SLC8A3: variants seen among roughly 807,000 people sequenced by gnomAD.
The protein encoded by SLC8A3 is sodium/calcium exchanger 3.
Under a neutral mutation model 65.4 loss-of-function variants are expected in SLC8A3, and 37 were observed. The ratio of observed to expected loss-of-function variants is 0.57; its 90% CI spans 0.44 to 0.74. The LOEUF (loss-of-function observed/expected upper bound fraction) is 0.74. SLC8A3 is among the 30% of genes least tolerant of loss of function. The pLI is 0.00. For synonymous variants in SLC8A3, 461 were observed against 444.5 expected, an observed-to-expected ratio of 1.04 and a Z score of -0.47; for missense variants, 1,112 against 1,172.1, an observed-to-expected ratio of 0.95 and a Z score of 0.75.
chr14:70,145,756 TC>T (rs1895886048), intron 2 of SLC8A3, among the ~76,000 whole-genome samples: 1 of 152,092 alleles, frequency 6.6e-6, no homozygotes, highest in African/African-American at 2.4e-5. Context: ...CAACACCCTG[TC>T]CCCCAGCCCT....
chr14:70,069,467 TCA>T (rs1200774865), intron 2 of SLC8A3, among the ~76,000 whole-genome samples: 68 of 152,202 alleles, frequency 4.5e-4, no homozygotes, highest in Non-Finnish European at 1.5e-5. Flanking sequence ...CAGCTAACAC[TCA>T]CAGAGCTTCC....
intron 2 of SLC8A3, among the ~76,000 whole-genome samples, chr14:70,154,735 A>G (rs1000569576): frequency 8.5e-5 from 13 of 152,142 alleles, no homozygotes; most frequent in African/African-American, 3.1e-4. Context: ...AATTTAAAAC[A>G]TTATTCTTAA....
At position 70,166,957 on chromosome 14, in the gene SLC8A3, A is replaced by C. The variant is rs1032763605; in HGVS notation, c.1466T>G (p.Ile489Arg). Residue 489 changes from isoleucine to arginine, a missense_variant, in exon 2 of 7, where the codon ATA becomes AGA. Physicochemically the swap from Ile to Arg is moderately conservative, Grantham distance 97 (BLOSUM62 -3). Transcript: ENST00000356921. ...HFFVRLSNVR[I>R]EEEQPEEGMP... ...CCCCTCCTCTGGCTGCTCCTCCTCT[A>C]TGCGGACATTGCTCAACCTTACAAA... 7 of 1,614,022 alleles carry C rather than the reference A, an allele frequency of 4.3e-6. No individual in the cohort carries two copies. Among genetic ancestry groups the C allele is most frequent in the Non-Finnish European group, 5.9e-6 (7 of 1,180,024 alleles).
At chr14:70,180,228 C>T (rs1469918584) in intron 1 of SLC8A3, among the ~76,000 whole-genome samples, 1 of 152,136 alleles carries the variant, frequency 6.6e-6, no homozygotes, top group Non-Finnish European at 1.5e-5. Context: ...AGGCTATTCT[C>T]CAGAAGCCAG....
chr14:70,162,995 C>T (rs560003398), intron 2 of SLC8A3, among the ~76,000 whole-genome samples: 1 of 152,306 alleles, frequency 6.6e-6, no homozygotes, highest in South Asian at 2.1e-4. Context: ...CTCTCACGTT[C>T]CTTGATTTGT....
chr14:70,124,448 A>G (rs1007598104), intron 2 of SLC8A3, among the ~76,000 whole-genome samples: 3 of 152,132 alleles, frequency 2.0e-5, no homozygotes, highest in African/African-American at 7.2e-5. Flanking sequence ...CTTTCCCTCC[A>G]TTCCCACTAT....
rs141282166 is a variant in SLC8A3, at chr14:70,052,961, G to A, written c.1889-847C>T. 7.0e-3 allele frequency among the ~76,000 whole-genome samples: 1,066 copies of A among 152,320 alleles called. 2 individuals are homozygous for A. Among genetic ancestry groups the A allele is most frequent in the Middle Eastern group, 0.017 (5 of 294 alleles). ...GGGAATTGGTGAAGCAAGGGCAGTC[G>A]TGAGACTCCAACTCTCGAGTTTGCA... On this transcript the variant is annotated intron_variant, in intron 3 of 6. Coordinates refer to ENST00000356921, the MANE Select transcript of SLC8A3 (RefSeq NM_182932.3).
intron 1 of SLC8A3, among the ~76,000 whole-genome samples, chr14:70,187,598 AC>A (rs1261542153): frequency 2.6e-5 from 2 of 77,256 alleles, no homozygotes; most frequent in African/African-American, 5.2e-5. Context: ...CAGGGCTTTG[AC>A]TGTGTGTGTG....
chr14:70,133,742 T>C (rs1314759271), intron 2 of SLC8A3, among the ~76,000 whole-genome samples: 2 of 152,152 alleles, frequency 1.3e-5, no homozygotes, highest in Non-Finnish European at 2.9e-5. Context: ...CCAGCTCTGA[T>C]AGAAGCACAA....
chr14:70,155,922 C>G (rs1478021741), intron 2 of SLC8A3, among the ~76,000 whole-genome samples: 2 of 152,232 alleles, frequency 1.3e-5, no homozygotes, highest in Admixed American at 6.5e-5. Flanking sequence ...TTCCAGCAGT[C>G]CACACAGGTT....
chr14:70,085,021 T>C (rs1281561509), intron 2 of SLC8A3, among the ~76,000 whole-genome samples: 3 of 152,216 alleles, frequency 2.0e-5, no homozygotes, highest in African/African-American at 4.8e-5. Flanking sequence ...CAAATGTCTA[T>C]TGAGTTTCCA....
At chr14:70,072,684 C>G (rs1445807259) in intron 2 of SLC8A3, among the ~76,000 whole-genome samples, 2 of 152,114 alleles carry the variant, frequency 1.3e-5, no homozygotes, top group African/African-American at 4.8e-5. Flanking sequence ...AGAAAGCTCT[C>G]TCACCCAGGC....
intron 2 of SLC8A3, among the ~76,000 whole-genome samples, chr14:70,148,128 C>A (rs956307422): frequency 6.6e-6 from 1 of 152,166 alleles, no homozygotes; most frequent in Non-Finnish European, 1.5e-5. Context: ...ATGAGATATT[C>A]AACACCTTAT....
At chr14:70,186,153 T>C (rs1883194767) in intron 1 of SLC8A3, among the ~76,000 whole-genome samples, 1 of 152,088 alleles carries the variant, frequency 6.6e-6, no homozygotes, top group Non-Finnish European at 1.5e-5. Flanking sequence ...TCACAAGATC[T>C]GATGGCTTTG....
chr14:70,128,575 C>T (rs1894628694), intron 2 of SLC8A3, among the ~76,000 whole-genome samples: 1 of 152,178 alleles, frequency 6.6e-6, no homozygotes, highest in Admixed American at 6.5e-5. Flanking sequence ...AACCCATTCT[C>T]TTAGAGTGGT....
intron 2 of SLC8A3, among the ~76,000 whole-genome samples, chr14:70,136,529 C>A (rs55967225): frequency 0.12 from 17,546 of 152,186 alleles, 1,090 homozygotes; most frequent in Middle Eastern, 0.16. Flanking sequence ...TGAGCCCACT[C>A]GCCTTTGCAG....
At chr14:70,187,798 C>G (rs1883451142) in intron 1 of SLC8A3, among the ~76,000 whole-genome samples, 1 of 152,114 alleles carries the variant, frequency 6.6e-6, no homozygotes, top group African/African-American at 2.4e-5. Context: ...GCGGTGGGTG[C>G]TCTGGGGCTG....
chr14:70,106,368 G>A (rs1431206778), intron 2 of SLC8A3, among the ~76,000 whole-genome samples: 1 of 152,042 alleles, frequency 6.6e-6, no homozygotes, highest in Non-Finnish European at 1.5e-5. Flanking sequence ...CTTGGAAAAT[G>A]GACCAAATTT....
At chr14:70,104,292 AT>A (rs1343720128) in intron 2 of SLC8A3, among the ~76,000 whole-genome samples, 1 of 152,166 alleles carries the variant, frequency 6.6e-6, no homozygotes, top group Non-Finnish European at 1.5e-5. Flanking sequence ...CATATATAGA[AT>A]TTTATACCCA....
Sources: allele counts gnomAD v4.1 joint callset (sites outside exome capture counted in the v4.1 genomes callset), GRCh38; gene constraint gnomAD v4.1.1; transcripts MANE v1.5; gene names NCBI Gene and HGNC (gene_info 2026-07-23, HGNC 2026-07-21).